The following SCAP variants were observed in gnomAD, a reference collection of about 807,000 sequenced individuals.
SCAP encodes the protein SREBF chaperone.
A neutral mutation model predicts 123.6 loss-of-function variants in SCAP; 65 were observed. That is an observed-to-expected ratio of 0.53 (90% CI 0.43 to 0.65). SCAP has a LOEUF of 0.65. SCAP is among the 30% of genes least tolerant of loss of function. SCAP has a pLI of 0.00. For synonymous variants in SCAP, 740 were observed against 726.3 expected (o/e 1.02, Z -0.30); for missense variants, 1,398 against 1,712.5 (o/e 0.82, Z 3.24).
At chr3:47,470,417 T>A (rs1707985933) in intron 1 of SCAP, among the ~76,000 whole-genome samples, 1 of 152,094 alleles carries the variant, frequency 6.6e-6, no homozygotes, top group East Asian at 1.9e-4. Flanking sequence ...AGGGCTATAG[T>A]GAGATGTGGG....
intron 3 of SCAP, among the ~76,000 whole-genome samples, chr3:47,432,557 T>C (rs1284193484): frequency 6.6e-6 from 1 of 152,118 alleles, no homozygotes; most frequent in Non-Finnish European, 1.5e-5. Flanking sequence ...AATAAACGAG[T>C]GCTGAACTCA....
At position 47,427,625 on chromosome 3, in the gene SCAP, G is replaced by C. The variant is rs773565318; in HGVS notation, c.453C>G (p.Thr151=). ...GCTTCCTAAGGCCTGGCAGCAGGTC[G>C]GTCACTTGCAGACACAACTCCTCCA... ...RSLEELCLQV[T]DLLPGLRKLR... is the part of the protein sequence containing the mutation. Residue 151 remains threonine, a synonymous_variant, in exon 5 of 23, where the codon ACC becomes ACG. Transcript: ENST00000265565. The C allele has an allele frequency of 1.9e-6, 3 of 1,614,082 alleles. No individual in the cohort carries two copies. Among genetic ancestry groups the C allele is most frequent in the African/African-American group, 1.3e-5 (1 of 75,018 alleles).
chr3:47,418,754 C>T lies in SCAP; in HGVS notation c.2030G>A (p.Ser677Asn). The T allele has an allele frequency of 6.3e-7, 1 of 1,591,006 alleles. No homozygotes were observed. The highest frequency in any genetic ancestry group is 1.7e-4 in the Middle Eastern group (1 of 5,920). ...LEGRHPQDGR[S>N]AWPPPGPIPA... The stretch of plus-strand genomic sequence containing the variant: ...TATGGGCCCCGGTGGGGGCCAGGCA[C>T]TGCGGCCGTCCTGAGGGTGCCGGCC... Residue 677 changes from serine to asparagine, a missense_variant, in exon 14 of 23, where the codon AGT becomes AAT. Physicochemically the swap from Ser to Asn is conservative, Grantham distance 46 (BLOSUM62 1). This residue lies in a region of SCAP where 828 missense variants were observed against 882.5 expected (regional missense o/e 0.94). Transcript: ENST00000265565.
chr3:47,427,338 C>T, intron 5 of SCAP, 76 bp from the exon 6 acceptor site: 2 of 1,543,158 alleles, frequency 1.3e-6, no homozygotes, highest in South Asian at 1.1e-5. Context: ...CTTTCTCACC[C>T]CCACCCTGGG....
Position 47,413,741 on chromosome 3 carries a change from C to T in SCAP, c.*113G>A, listed in dbSNP as rs1246675630. The T allele has an allele frequency of 8.0e-6, 11 of 1,372,244 alleles. No homozygotes were observed. In the East Asian group the frequency reaches 2.3e-4, roughly 29 times the overall value. The allele number at this position is 1,372,244 out of a possible 1,614,324, so 85.0% of individuals were successfully genotyped here. On this transcript the variant is annotated 3_prime_UTR_variant, in exon 23 of 23. Transcript: ENST00000265565. ...TTTTTAAAAAAGTTTAATATTATTA[C>T]AGTCAGGAGGCAGCGGCTGGAAGAT...
intron 3 of SCAP, 70 bp from the exon 4 acceptor site, chr3:47,428,740 G>A: frequency 3.9e-6 from 6 of 1,522,056 alleles, no homozygotes; most frequent in South Asian, 3.6e-5. Context: ...TCCAATTCAA[G>A]GGATTTAATG....
At chr3:47,472,207 G>A (rs1177183170) in intron 1 of SCAP, among the ~76,000 whole-genome samples, 2 of 152,144 alleles carry the variant, frequency 1.3e-5, no homozygotes, top group South Asian at 4.1e-4. Flanking sequence ...GCCGAGGCGA[G>A]TGGATCATGA....
intron 1 of SCAP, among the ~76,000 whole-genome samples, chr3:47,472,203 G>T (rs1435033652): frequency 6.6e-6 from 1 of 152,018 alleles, no homozygotes; most frequent in African/African-American, 2.4e-5. Context: ...GGAGGCCGAG[G>T]CGAGTGGATC....
In SCAP at chr3:47,451,826, T is replaced by A. The variant is rs368841608; in HGVS notation, c.-98-8735A>T. 2.1e-4 allele frequency among the ~76,000 whole-genome samples: 26 copies of A among 122,472 alleles called. 3 individuals are homozygous for A. Among genetic ancestry groups the A allele is most frequent in the East Asian group, 1.8e-3 (6 of 3,396 alleles). The allele number at this position is 122,472 out of a possible 152,430, so 80.3% of individuals were successfully genotyped here. A position where few individuals can be genotyped will look rare whatever the true frequency, so the allele number is the denominator to read the frequency against. ...GCACTTAGAACAAAGCCCAAATGCC[T>A]CCCCCTAGCTCTCAGGGCTCTGCAC... On this transcript the variant is annotated intron_variant, in intron 1 of 22. Coordinates refer to ENST00000265565, the MANE Select transcript of SCAP (RefSeq NM_012235.4).
At position 47,419,770 on chromosome 3, in the gene SCAP, A is replaced by T. The variant is rs967576888; in HGVS notation, c.1564-66T>A. ...CCAACCCCCAGCAGCTTCAGCCCTC[A>T]TGCTGAGAGGAAGCAGCACAGGGAC... On this transcript the variant is annotated intron_variant, in intron 12 of 22. Coordinates refer to ENST00000265565, the MANE Select transcript of SCAP (RefSeq NM_012235.4). The surrounding 1 kb of genome is among the most constrained non-coding windows in gnomAD (Gnocchi z 5.0). 5 of 1,489,714 alleles carry T rather than the reference A, an allele frequency of 3.4e-6. No individual in the cohort carries two copies. The highest frequency in any genetic ancestry group is 2.8e-5 in the African/African-American group (2 of 71,092). The allele number at this position is 1,489,714 out of a possible 1,614,324, so 92.3% of individuals were successfully genotyped here.
chr3:47,438,747 G>A (rs2107890710), intron 2 of SCAP, among the ~76,000 whole-genome samples: 1 of 151,926 alleles, frequency 6.6e-6, no homozygotes, highest in East Asian at 1.9e-4. Context: ...CCGGGAGGTG[G>A]AGGTTGCAGT....
intron 1 of SCAP, among the ~76,000 whole-genome samples, chr3:47,453,387 A>AT (rs1707294055): frequency 2.3e-5 from 1 of 42,644 alleles, no homozygotes; most frequent in African/African-American, 6.2e-5. Flanking sequence ...TTTAAAAAAA[A>AT]TTTTTAATGG....
intron 1 of SCAP, among the ~76,000 whole-genome samples, chr3:47,459,540 T>C (rs903291465): frequency 5.3e-5 from 8 of 151,850 alleles, no homozygotes; most frequent in Non-Finnish European, 1.2e-4. Context: ...CCTCCAGGGG[T>C]GACATCACAT....
chr3:47,461,022 C>G (rs952050599), intron 1 of SCAP, among the ~76,000 whole-genome samples: 3 of 152,150 alleles, frequency 2.0e-5, no homozygotes, highest in Non-Finnish European at 4.4e-5. Context: ...CTCTCCAGCA[C>G]ACCAGACTTC....
intron 1 of SCAP, among the ~76,000 whole-genome samples, chr3:47,473,352 A>C (rs1708142986): frequency 1.3e-5 from 2 of 152,076 alleles, no homozygotes; most frequent in Admixed American, 1.3e-4. Context: ...GCTCGATATC[A>C]CCCAGAATTA....
rs201263232 is a variant in SCAP, at chr3:47,426,100, C to T, written c.807G>A (p.Glu269=). 6.8e-6 allele frequency: 11 copies of T among 1,614,054 alleles called. No homozygotes were observed. The Admixed American group carries it at 1.8e-4, about 27-fold the overall frequency. The change falls in exon 7 of 23, where the codon GAG becomes GAA. Residue 269 remains glutamate (E), a synonymous_variant. Coordinates refer to ENST00000265565, the MANE Select transcript of SCAP (RefSeq NM_012235.4). The part of the protein sequence containing the change: ...HPSPNCSLRA[E]SLVHVHFKEE... ...CCTTGAAGTGCACGTGGACCAGGCT[C>T]TCCGCCCGAAGGCTGCAGTTGGGGC...
chr3:47,417,672 C>A lies in SCAP; in HGVS notation c.2602G>T (p.Gly868Trp), dbSNP rs749293673. The change falls in exon 17 of 23, where the codon GGG becomes TGG. Residue 868 changes from glycine to tryptophan, a missense_variant. By Grantham distance (184) the Gly-to-Trp change is radical (BLOSUM62 -2). Transcript: ENST00000265565. ...PRGPPPPSLF[G>W]DQPDLTCLID... ...AAGCAGGTGAGGTCAGGCTGGTCCCCGAAGAGGGAAGGCGGCGGAGGGCCC... is the reference window on the plus strand; with the variant it reads ...AAGCAGGTGAGGTCAGGCTGGTCCCAGAAGAGGGAAGGCGGCGGAGGGCCC... 6.2e-7 allele frequency: 1 copy of A among 1,608,410 alleles called. No individual in the cohort carries two copies. Among genetic ancestry groups the A allele is most frequent in the Admixed American group, 1.7e-5 (1 of 59,650 alleles).
intron 1 of SCAP, among the ~76,000 whole-genome samples, chr3:47,452,274 G>T (rs1464251517): frequency 6.6e-6 from 1 of 152,034 alleles, no homozygotes; most frequent in African/African-American, 2.4e-5. Flanking sequence ...CTATAATCCC[G>T]GCTACTCAGG....
At position 47,423,955 on chromosome 3, in the gene SCAP, C is replaced by T. The variant is rs368548171; in HGVS notation, c.1128G>A (p.Glu376=). Residue 376 remains glutamate, a synonymous_variant, in exon 9 of 23, where the codon GAG becomes GAA. Coordinates refer to ENST00000265565, the MANE Select transcript of SCAP (RefSeq NM_012235.4). ...KSVVSTPVDL[E]VKLRIAQGLS... ...TACCTTGGGCGATCCGCAGCTTCAC[C>T]TCCAGGTCTACCGGGGTTGAGACCA... 1.2e-6 allele frequency: 2 copies of T among 1,614,132 alleles called. No individual in the cohort carries two copies. Among genetic ancestry groups the T allele is most frequent in the African/African-American group, 1.3e-5 (1 of 75,074 alleles).
Sources: gnomAD v4.1 joint callset for allele counts (sites outside exome capture counted in the v4.1 genomes callset) on GRCh38, gnomAD v4.1.1 for gene constraint, gnomAD v4.1.1 regional missense constraint, Gnocchi (gnomAD v3.1) non-coding constraint, MANE v1.5 for transcripts, NCBI Gene and HGNC (gene_info 2026-07-23, HGNC 2026-07-21) for gene names.